STXBP5L: variants seen among roughly 807,000 people sequenced by gnomAD.
STXBP5L encodes the protein syntaxin-binding protein 5-like.
A neutral mutation model predicts 144.5 loss-of-function variants in STXBP5L; 65 were observed. That is an observed-to-expected ratio of 0.45 (90% CI 0.37 to 0.55). The LOEUF (loss-of-function observed/expected upper bound fraction) is 0.55. Among genes scored for constraint, STXBP5L ranks in the 20% least tolerant of loss-of-function variants. The pLI, the probability that STXBP5L is intolerant of heterozygous loss-of-function variation, is 0.00. For synonymous variants in STXBP5L, 505 were observed against 469.6 expected (o/e 1.08, Z -0.97); for missense variants, 1,298 against 1,405.5 (o/e 0.92, Z 1.22).
At chr3:121,343,809 A>G (rs1356539401) in intron 20 of STXBP5L, among the ~76,000 whole-genome samples, 2 of 152,128 alleles carry the variant, frequency 1.3e-5, no homozygotes, top group Admixed American at 6.6e-5. Flanking sequence ...ATATCGTGAA[A>G]ATGGCCGTAC....
At chr3:121,110,696 T>C (rs2043941892) in intron 5 of STXBP5L, among the ~76,000 whole-genome samples, 1 of 152,204 alleles carries the variant, frequency 6.6e-6, no homozygotes, top group South Asian at 2.1e-4. Flanking sequence ...AATCTGATAT[T>C]ATGTGCCTTG....
At chr3:121,041,921 A>C in intron 4 of STXBP5L, 140 bp downstream of exon 4, 2 of 589,768 alleles carry the variant, frequency 3.4e-6, no homozygotes, top group Non-Finnish European at 6.0e-6. Flanking sequence ...TATTTTTCAC[A>C]AAAGACTGTA....
At chr3:121,223,184 T>C (rs758252438) in intron 11 of STXBP5L, 27 bp downstream of exon 11, 3 of 1,560,912 alleles carry the variant, frequency 1.9e-6, no homozygotes, top group Non-Finnish European at 2.6e-6. Flanking sequence ...AAACTATTAA[T>C]GTTGAAAATC....
At chr3:121,176,178 T>G (rs539079512) in intron 9 of STXBP5L, among the ~76,000 whole-genome samples, 2 of 152,118 alleles carry the variant, frequency 1.3e-5, no homozygotes, top group East Asian at 3.9e-4. Context: ...ATTGGTAGCC[T>G]GAACCCTATC....
At chr3:121,391,339 T>C (rs958307861) in intron 22 of STXBP5L, among the ~76,000 whole-genome samples, 2 of 152,198 alleles carry the variant, frequency 1.3e-5, no homozygotes, top group African/African-American at 4.8e-5. Flanking sequence ...AGCATCCTCC[T>C]TTAGCTTGGA....
intron 20 of STXBP5L, among the ~76,000 whole-genome samples, chr3:121,344,963 A>G (rs2044893948): frequency 6.7e-6 from 1 of 150,042 alleles, no homozygotes; most frequent in Admixed American, 6.7e-5. Flanking sequence ...ATATAAGATT[A>G]TATATATATA....
chr3:121,103,779 A>C (rs756966018), intron 5 of STXBP5L, among the ~76,000 whole-genome samples: 1 of 152,328 alleles, frequency 6.6e-6, no homozygotes, highest in East Asian at 1.9e-4. Flanking sequence ...GGTTAAGAGA[A>C]AAGTTAGAGA....
intron 19 of STXBP5L, among the ~76,000 whole-genome samples, chr3:121,311,972 A>G (rs554891153): frequency 3.0e-4 from 45 of 152,350 alleles, no homozygotes; most frequent in Middle Eastern, 3.4e-3. Context: ...CCAAAACAGC[A>G]TGGTACTGGT....
chr3:121,201,644 C>T (rs12637989), intron 9 of STXBP5L, among the ~76,000 whole-genome samples: 20,987 of 150,238 alleles, frequency 0.14, 1,642 homozygotes, highest in South Asian at 0.27. Flanking sequence ...TTGCAGTGGC[C>T]GTTACTGGTT....
chr3:121,322,273 G>T (rs1289224266), intron 20 of STXBP5L, among the ~76,000 whole-genome samples: 1 of 152,124 alleles, frequency 6.6e-6, no homozygotes, highest in Non-Finnish European at 1.5e-5. Context: ...GAGGTTGGGG[G>T]TTTGAGACCA....
Position 121,114,961 on chromosome 3 carries a change from G to T in STXBP5L, c.507G>T (p.Trp169Cys). Reference protein sequence around the residue: ...TYCHLPFQSKWLYVGTERGNT... With the variant: ...TYCHLPFQSKCLYVGTERGNT... The stretch of plus-strand genomic sequence containing the variant: ...GTCATCTACCTTTCCAGAGTAAATG[G>T]CTTTATGTTGGAACAGAAAGAGGAA... The change falls in exon 6 of 27, where the codon TGG becomes TGT. Residue 169 changes from tryptophan to cysteine, a missense_variant. Physicochemically the swap from Trp to Cys is radical, Grantham distance 215. Coordinates refer to ENST00000471454, the MANE Select transcript of STXBP5L (RefSeq NM_001308330.2). 1 of 1,588,642 alleles carries T rather than the reference G, an allele frequency of 6.3e-7. No individual in the cohort carries two copies. The highest frequency in any genetic ancestry group is 8.6e-7 in the Non-Finnish European group (1 of 1,168,734).
intron 2 of STXBP5L, among the ~76,000 whole-genome samples, chr3:120,933,040 C>A: frequency 9.1e-6 from 1 of 109,382 alleles, no homozygotes. Context: ...CACACCAGGG[C>A]CTGTTGTGGG....
chr3:121,179,690 G>T (rs561512510), intron 9 of STXBP5L, among the ~76,000 whole-genome samples: 1 of 152,028 alleles, frequency 6.6e-6, no homozygotes, highest in Non-Finnish European at 1.5e-5. Context: ...AAAAATATAT[G>T]TAGGATATGG....
chr3:121,151,221 G>C (rs1241556853), intron 7 of STXBP5L, among the ~76,000 whole-genome samples: 4 of 151,986 alleles, frequency 2.6e-5, no homozygotes, highest in Non-Finnish European at 5.9e-5. Flanking sequence ...TTTATTTTAA[G>C]AAATATTACT....
intron 7 of STXBP5L, among the ~76,000 whole-genome samples, chr3:121,151,729 C>G (rs1169244799): frequency 2.7e-5 from 4 of 150,736 alleles, no homozygotes; most frequent in Non-Finnish European, 5.9e-5. Context: ...ATTTTTTTTC[C>G]CTAACCAATG....
At chr3:121,110,342 T>C (rs2043920463) in intron 5 of STXBP5L, among the ~76,000 whole-genome samples, 1 of 152,178 alleles carries the variant, frequency 6.6e-6, no homozygotes, top group African/African-American at 2.4e-5. Flanking sequence ...TAGTAGCTGG[T>C]AACAGTTTTT....
intron 9 of STXBP5L, among the ~76,000 whole-genome samples, chr3:121,162,255 T>C (rs985359434): frequency 6.6e-6 from 1 of 152,174 alleles, no homozygotes; most frequent in African/African-American, 2.4e-5. Context: ...TATTACTTTG[T>C]AAATTCAGTT....
chr3:121,327,515 CA>C (rs575531764), intron 20 of STXBP5L, among the ~76,000 whole-genome samples: 63 of 152,284 alleles, frequency 4.1e-4, no homozygotes, highest in African/African-American at 1.5e-3. Flanking sequence ...TACTTTCACT[CA>C]TTTTCATAAT....
In STXBP5L at chr3:121,030,158, C is replaced by T. The variant is rs572847805; in HGVS notation, c.288-11542C>T. Among the ~76,000 whole-genome samples the T allele has an allele frequency of 1.2e-4, 19 of 152,274 alleles. No homozygotes were observed. In the South Asian group the frequency reaches 3.5e-3, roughly 28 times the overall value. ...ATCTAGAACCAGAAATACTATATGA[C>T]TCAGCAATCCCATTACTGGGTGTAT... is the stretch of plus-strand genomic sequence containing the variant. On this transcript the variant is annotated intron_variant, in intron 3 of 26. Transcript: ENST00000471454.
Sources: allele counts gnomAD v4.1 joint callset (sites outside exome capture counted in the v4.1 genomes callset), GRCh38; gene constraint gnomAD v4.1.1; transcripts MANE v1.5; gene names NCBI Gene and HGNC (gene_info 2026-07-23, HGNC 2026-07-21).